The following MAP2K3 variants were observed in gnomAD, a reference collection of about 807,000 sequenced individuals.
The protein encoded by MAP2K3 is dual specificity mitogen-activated protein kinase kinase 3.
MAP2K3 carries 30 observed loss-of-function variants against 46.4 expected under a neutral mutation model. The observed-to-expected ratio is 0.65, with a 90% CI of 0.48 to 0.88. The LOEUF is 0.88. Ranked by LOEUF, MAP2K3 falls within the 40% of genes least tolerant of loss-of-function variation. MAP2K3 has a pLI of 0.00. For synonymous variants in MAP2K3, 189 were observed against 176.3 expected (o/e 1.07, Z -0.57); for missense variants, 380 against 464.5 (o/e 0.82, Z 1.67).
intron 1 of MAP2K3, chr17:21,285,427 G>C: frequency 3.3e-6 from 1 of 300,876 alleles, no homozygotes; most frequent in Non-Finnish European, 4.9e-6. Context: ...TTTAACTTGA[G>C]TCTCCATCTG....
intron 9 of MAP2K3, among the ~76,000 whole-genome samples, chr17:21,310,054 G>A (rs926606868): frequency 6.6e-5 from 10 of 150,576 alleles, no homozygotes; most frequent in African/African-American, 2.4e-4. Context: ...TGCCCAGGCT[G>A]CAGTGCAGTG....
At chr17:21,302,462 C>T (rs1219207505) in intron 6 of MAP2K3, among the ~76,000 whole-genome samples, 1 of 152,308 alleles carries the variant, frequency 6.6e-6, no homozygotes, top group East Asian at 1.9e-4. Flanking sequence ...GACCTCCGCT[C>T]CTGGGGCTCC....
intron 1 of MAP2K3, among the ~76,000 whole-genome samples, chr17:21,293,919 G>A (rs933019076): frequency 2.4e-4 from 37 of 152,296 alleles, no homozygotes; most frequent in African/African-American, 8.0e-4. Flanking sequence ...AGGGCAAGGG[G>A]CCCTGCCTGA....
chr17:21,295,546 ACG>A, intron 1 of MAP2K3: 3 of 1,231,838 alleles, frequency 2.4e-6, no homozygotes, highest in Non-Finnish European at 3.1e-6. Flanking sequence ...CCCAGCTCTG[ACG>A]TCTGCAGCAG....
intron 9 of MAP2K3, among the ~76,000 whole-genome samples, chr17:21,309,228 G>A (rs1482186014): frequency 2.0e-5 from 3 of 152,428 alleles, no homozygotes; most frequent in Admixed American, 6.5e-5. Context: ...CTAAAAGGAA[G>A]TTCTCTGAAG....
chr17:21,287,020 G>A (rs575553787), intron 1 of MAP2K3, among the ~76,000 whole-genome samples: 15 of 152,346 alleles, frequency 9.8e-5, no homozygotes, highest in Non-Finnish European at 1.9e-4. Flanking sequence ...AAACTGAGGC[G>A]TTAAGTGCCT....
intron 7 of MAP2K3, 107 bp from the exon 8 acceptor site, chr17:21,304,319 C>A: frequency 6.3e-7 from 1 of 1,579,198 alleles, no homozygotes; most frequent in Non-Finnish European, 8.6e-7. Flanking sequence ...TGGGAGGGGG[C>A]ACAGGAGGGG....
At chr17:21,293,101 G>A (rs925959065) in intron 1 of MAP2K3, among the ~76,000 whole-genome samples, 26 of 152,284 alleles carry the variant, frequency 1.7e-4, no homozygotes, top group Non-Finnish European at 3.4e-4. Context: ...GTTAGTGGGT[G>A]TTGTAGTGTG....
chr17:21,304,194 C>T (rs1232464725), intron 7 of MAP2K3, among the ~76,000 whole-genome samples: 76 of 152,400 alleles, frequency 5.0e-4, no homozygotes, highest in African/African-American at 1.6e-3. Flanking sequence ...GGGCTGGGCA[C>T]GTCCTGGCTG....
intron 1 of MAP2K3, among the ~76,000 whole-genome samples, chr17:21,292,685 C>A (rs1170040545): frequency 6.6e-6 from 1 of 152,308 alleles, no homozygotes; most frequent in Non-Finnish European, 1.5e-5. Flanking sequence ...CAGGGTTTCA[C>A]CATGTTGGCC....
Position 21,284,870 on chromosome 17 carries a change from C to G in MAP2K3, c.-51C>G, listed in dbSNP as rs752067113. The G allele has an allele frequency of 6.3e-7, 1 of 1,591,808 alleles. No homozygotes were observed. The highest frequency in any genetic ancestry group is 1.7e-5 in the Admixed American group (1 of 58,652). On this transcript the variant is annotated 5_prime_UTR_variant, in exon 1 of 12. Transcript: ENST00000342679. ...ATGAGCGTGCTCGGCCCCGGTGGAGCCCGCAGTCCTCTAGATTAGTCTCCA... is the reference window on the plus strand; with the variant it reads ...ATGAGCGTGCTCGGCCCCGGTGGAGGCCGCAGTCCTCTAGATTAGTCTCCA...
Sources: allele counts gnomAD v4.1 joint callset (sites outside exome capture counted in the v4.1 genomes callset), GRCh38; gene constraint gnomAD v4.1.1; transcripts MANE v1.5; gene names NCBI Gene and HGNC (gene_info 2026-07-23, HGNC 2026-07-21).